Variants in SPON1 observed in about 807,000 individuals in gnomAD.
SPON1 encodes spondin 1.
SPON1 carries 52 observed loss-of-function variants against 111.7 expected under a neutral mutation model. The ratio of observed to expected loss-of-function variants is 0.47; its 90% CI spans 0.37 to 0.59. SPON1 has a LOEUF of 0.59. SPON1 is among the 20% of genes least tolerant of loss of function. The probability of loss-of-function intolerance (pLI) is 0.00; values close to 1 mark genes in which losing one functional copy is unlikely to be tolerated. For synonymous variants in SPON1, 410 were observed against 395.8 expected, an observed-to-expected ratio of 1.04 and a Z score of -0.43; for missense variants, 957 against 1,068.5, an observed-to-expected ratio of 0.90 and a Z score of 1.46.
At chr11:14,177,590 C>T (rs541762429) in intron 6 of SPON1, among the ~76,000 whole-genome samples, 2 of 152,240 alleles carry the variant, frequency 1.3e-5, no homozygotes, top group Non-Finnish European at 2.9e-5. Context: ...AAACTTGTAG[C>T]CTCCAGCTGT....
chr11:14,168,938 C>T (rs553196518), intron 6 of SPON1, among the ~76,000 whole-genome samples: 18 of 152,122 alleles, frequency 1.2e-4, no homozygotes, highest in Non-Finnish European at 2.1e-4. Flanking sequence ...TCATTGCTAT[C>T]GTTAACAGTG....
intron 5 of SPON1, among the ~76,000 whole-genome samples, chr11:14,114,675 T>A (rs1165463348): frequency 6.6e-6 from 1 of 152,186 alleles, no homozygotes; most frequent in Non-Finnish European, 1.5e-5. Flanking sequence ...CCCCACTGCC[T>A]CAGAAAGCCG....
chr11:14,014,748 G>C (rs1048771184), intron 2 of SPON1, among the ~76,000 whole-genome samples: 1 of 152,188 alleles, frequency 6.6e-6, no homozygotes, highest in Non-Finnish European at 1.5e-5. Context: ...ATTTCCAAGG[G>C]ACCAGGTCAG....
intron 2 of SPON1, among the ~76,000 whole-genome samples, chr11:14,024,531 G>C (rs1401882382): frequency 6.6e-6 from 1 of 152,148 alleles, no homozygotes; most frequent in Admixed American, 6.5e-5. Flanking sequence ...TCCCCTCAGA[G>C]TCCGCATTGT....
intron 2 of SPON1, among the ~76,000 whole-genome samples, chr11:14,018,205 G>A (rs1229673707): frequency 3.3e-5 from 5 of 152,188 alleles, no homozygotes; most frequent in African/African-American, 9.6e-5. Context: ...GTAGCTAGAC[G>A]GCCTTTGTTC....
intron 6 of SPON1, among the ~76,000 whole-genome samples, chr11:14,149,585 T>G (rs573047107): frequency 3.7e-4 from 57 of 152,308 alleles, no homozygotes; most frequent in Non-Finnish European, 7.1e-4. Flanking sequence ...TCACATTCAC[T>G]CACCACTCAC....
intron 15 of SPON1, 85 bp downstream of exon 15, chr11:14,263,060 A>AG (rs2133928892): frequency 1.4e-6 from 2 of 1,381,268 alleles, no homozygotes; most frequent in East Asian, 4.9e-5. Flanking sequence ...GTTTAAAAAA[A>AG]AAAAAAAAAA....
chr11:14,265,719 A>G lies in SPON1; in HGVS notation c.*32A>G. On this transcript the variant is annotated 3_prime_UTR_variant, in exon 16 of 16. Transcript: ENST00000576479. ...TACGAGTTCCCCAGGGCTGCACTCT[A>G]GATTCCAGAGTCACCAATGGCTGGA... The G allele has an allele frequency of 6.3e-7, 1 of 1,599,116 alleles. No homozygotes were observed. Among genetic ancestry groups the G allele is most frequent in the Non-Finnish European group, 8.5e-7 (1 of 1,171,948 alleles).
intron 2 of SPON1, among the ~76,000 whole-genome samples, chr11:14,027,776 G>A (rs781798922): frequency 1.4e-4 from 21 of 152,196 alleles, no homozygotes; most frequent in African/African-American, 1.7e-4. Flanking sequence ...GTAAGAAGAT[G>A]CCTCATCTGC....
At chr11:14,219,825 C>T (rs1848661924) in intron 6 of SPON1, among the ~76,000 whole-genome samples, 1 of 152,180 alleles carries the variant, frequency 6.6e-6, no homozygotes, top group African/African-American at 2.4e-5. Flanking sequence ...AATACCTTTG[C>T]TTCAACTCTG....
intron 6 of SPON1, among the ~76,000 whole-genome samples, chr11:14,163,966 A>T (rs189480693): frequency 6.6e-6 from 1 of 152,212 alleles, no homozygotes; most frequent in East Asian, 1.9e-4. Context: ...GAAGCATTCA[A>T]TTCTGGCCCC....
At position 14,135,426 on chromosome 11, in the gene SPON1, C is replaced by G; in HGVS notation, c.683C>G (p.Ala228Gly). 2 of 1,607,230 alleles carry G rather than the reference C, an allele frequency of 1.2e-6. No individual in the cohort carries two copies. Among genetic ancestry groups the G allele is most frequent in the Non-Finnish European group, 8.5e-7 (1 of 1,174,472 alleles). ...KTHPKDYPRR[A>G]NHWSAIIGGS... ...TCCTGATTGGCTTTCCCAGGTCGGG[C>G]CAACCACTGGTCTGCGATCATCGGA... Residue 228 changes from alanine to glycine, a missense_variant, in exon 6 of 16, where the codon GCC (alanine) becomes GGC (glycine). This residue lies in a region of SPON1 where 122 missense variants were observed against 143.2 expected (regional missense o/e 0.85). Transcript: ENST00000576479. The surrounding 1 kb of genome is among the most constrained non-coding windows in gnomAD (Gnocchi z 4.4).
At chr11:14,158,675 A>G (rs2133872160) in intron 6 of SPON1, among the ~76,000 whole-genome samples, 1 of 152,280 alleles carries the variant, frequency 6.6e-6, no homozygotes, top group Non-Finnish European at 1.5e-5. Context: ...TTGGCCTTCA[A>G]GTCCTGGCTG....
chr11:14,172,474 A>G (rs1278229104), intron 6 of SPON1, among the ~76,000 whole-genome samples: 1 of 151,610 alleles, frequency 6.6e-6, no homozygotes, highest in African/African-American at 2.4e-5. Flanking sequence ...TTTTAATTGG[A>G]GCATTTAGCC....
At chr11:14,084,634 C>A (rs1848991059) in intron 5 of SPON1, among the ~76,000 whole-genome samples, 1 of 152,150 alleles carries the variant, frequency 6.6e-6, no homozygotes, top group South Asian at 2.1e-4. Flanking sequence ...TTTATAGTAG[C>A]ATGATTTATA....
In SPON1 at chr11:14,267,449, A is replaced by G. The variant is rs902359267; in HGVS notation, c.*1762A>G. On this transcript the variant is annotated 3_prime_UTR_variant, in exon 16 of 16. Transcript: ENST00000576479. Reference sequence around the variant, plus strand: ...TTAATTATTTTTCTACTTGGGGGGAAAAAAGTCCTCATGTAGAAGCACCCA... The same window carrying G: ...TTAATTATTTTTCTACTTGGGGGGAGAAAAGTCCTCATGTAGAAGCACCCA... 6.6e-6 allele frequency: 1 copy of G among 152,086 alleles called. No individual in the cohort carries two copies. The highest frequency in any genetic ancestry group is 2.4e-5 in the African/African-American group (1 of 41,436). 9.4% of individuals were successfully genotyped at this position (152,086 alleles called of 1,614,324 possible). A position where few individuals can be genotyped will look rare whatever the true frequency, so the allele number is the denominator to read the frequency against.
At chr11:14,236,175 T>A (rs1034057895) in intron 6 of SPON1, among the ~76,000 whole-genome samples, 1 of 152,116 alleles carries the variant, frequency 6.6e-6, no homozygotes, top group Admixed American at 6.5e-5. Flanking sequence ...TAGAGAGACC[T>A]GCTAGGAAGC....
At chr11:14,193,512 T>C (rs1848369419) in intron 6 of SPON1, among the ~76,000 whole-genome samples, 2 of 152,136 alleles carry the variant, frequency 1.3e-5, no homozygotes, top group Non-Finnish European at 2.9e-5. Context: ...GTCACAAAGG[T>C]AACAGGGGTG....
chr11:14,185,398 C>T (rs1035301221), intron 6 of SPON1, among the ~76,000 whole-genome samples: 4 of 152,270 alleles, frequency 2.6e-5, no homozygotes, highest in Admixed American at 1.3e-4. Context: ...ATGTGCCCCC[C>T]GCTCCTTTCT....
Sources: gnomAD v4.1 joint callset for allele counts (sites outside exome capture counted in the v4.1 genomes callset) on GRCh38, gnomAD v4.1.1 for gene constraint, gnomAD v4.1.1 regional missense constraint, Gnocchi (gnomAD v3.1) non-coding constraint, MANE v1.5 for transcripts, NCBI Gene and HGNC (gene_info 2026-07-23, HGNC 2026-07-21) for gene names.